The following MINDY4B variants were observed in gnomAD, a reference collection of about 807,000 sequenced individuals.
The protein encoded by MINDY4B is inactive ubiquitin carboxyl-terminal hydrolase MINDY-4B.
A neutral mutation model predicts 16.7 loss-of-function variants in MINDY4B; 25 were observed. The observed-to-expected ratio is 1.49, with a 90% CI of 1.09 to 2.09. The LOEUF (loss-of-function observed/expected upper bound fraction) is 2.09, where lower values mean the gene tolerates loss of function less well. MINDY4B is among the 30% of genes most tolerant of loss of function. The pLI is 0.00. For synonymous variants in MINDY4B, 132 were observed against 61.9 expected (o/e 2.13, Z -5.32); for missense variants, 327 against 168.4 (o/e 1.94, Z -5.21).
intron 11 of MINDY4B, 81 bp from the exon 12 acceptor site, chr3:150,871,268 T>G (rs1576608052): frequency 1.5e-6 from 1 of 652,708 alleles, no homozygotes; most frequent in East Asian, 2.7e-5. Flanking sequence ...GACAGAAGGG[T>G]GGGTGGGCAG....
chr3:150,881,949 T>C (rs1302060761), intron 10 of MINDY4B, among the ~76,000 whole-genome samples: 1 of 152,182 alleles, frequency 6.6e-6, no homozygotes, highest in Admixed American at 6.5e-5. Flanking sequence ...GATGAAGCCC[T>C]ATATACATGA....
At chr3:150,879,900 T>A (rs1711507022) in intron 10 of MINDY4B, among the ~76,000 whole-genome samples, 1 of 152,226 alleles carries the variant, frequency 6.6e-6, no homozygotes, top group South Asian at 2.1e-4. Context: ...GTATGGCCCA[T>A]CTTTGGATCT....
rs530517586 is a variant in MINDY4B, at chr3:150,871,059, C to G, written c.1369G>C (p.Val457Leu). 1 of 702,816 alleles carries G rather than the reference C, an allele frequency of 1.4e-6. No individual in the cohort carries two copies. Among genetic ancestry groups the G allele is most frequent in the African/African-American group, 1.7e-5 (1 of 57,370 alleles). The allele number at this position is 702,816 out of a possible 1,614,324, so 43.5% of individuals were successfully genotyped here. ...SEATINWNGT[V>L]PFF ...CTAGTTTCCCTTTAGAAGAAGGGAA[C>G]GGTCCCATTCCAGTTGATGGTGGCC... The change falls in exon 12 of 12, where the codon GTT becomes CTT. Residue 457 changes from valine (V) to leucine (L), a missense_variant. By Grantham distance (32) the Val-to-Leu change is conservative (BLOSUM62 1). Coordinates refer to ENST00000465419, the MANE Select transcript of MINDY4B (RefSeq NM_001351281.2).
intron 4 of MINDY4B, 34 bp from the exon 5 acceptor site, chr3:150,893,449 A>T: frequency 1.4e-6 from 1 of 702,418 alleles, no homozygotes; most frequent in South Asian, 1.5e-5. Flanking sequence ...GAGGTGAAGA[A>T]CTCTTGGAAA....
intron 11 of MINDY4B, among the ~76,000 whole-genome samples, chr3:150,872,186 GA>G (rs1194514626): frequency 6.6e-6 from 1 of 152,152 alleles, no homozygotes; most frequent in Non-Finnish European, 1.5e-5. Context: ...GTGAGCTAAT[GA>G]AAAATGTTGC....
rs1277755741 is a variant in MINDY4B at position 150,894,139 on chromosome 3, A to G, written c.429+47T>C. The G allele has an allele frequency of 4.6e-6, 3 of 648,212 alleles. No homozygotes were observed. The Admixed American group carries it at 7.7e-5, about 17-fold the overall frequency. The allele number at this position is 648,212 out of a possible 1,614,324, so 40.2% of individuals were successfully genotyped here. A position where few individuals can be genotyped will look rare whatever the true frequency, so the allele number is the denominator to read the frequency against. On this transcript the variant is annotated intron_variant, in intron 4 of 11. Transcript: ENST00000465419. ...TGTGGACAGGAAGGATATATGGATA[A>G]GGAACATGGGAATAAGGTTTTTTAA...
rs1222941038 is a variant in MINDY4B, at chr3:150,873,106, T to C, written c.1240+81A>G. The C allele has an allele frequency of 5.2e-5, 32 of 617,228 alleles. No individual in the cohort carries two copies. The East Asian group carries it at 8.8e-4, about 17-fold the overall frequency. The allele number at this position is 617,228 out of a possible 1,614,324, so 38.2% of individuals were successfully genotyped here. A position where few individuals can be genotyped will look rare whatever the true frequency, so the allele number is the denominator to read the frequency against. Reference sequence around the variant, plus strand: ...TTTTCCTGTGGAGCTAGCATGAATATCCACACAGTTGTTAAACATTGGCAA... The same window carrying C: ...TTTTCCTGTGGAGCTAGCATGAATACCCACACAGTTGTTAAACATTGGCAA... On this transcript the variant is annotated intron_variant, in intron 11 of 11. Transcript: ENST00000465419.
intron 10 of MINDY4B, among the ~76,000 whole-genome samples, chr3:150,881,089 T>C (rs1251145613): frequency 6.6e-6 from 1 of 152,162 alleles, no homozygotes; most frequent in East Asian, 1.9e-4. Context: ...TTGCAGCCTC[T>C]AAATATAATG....
chr3:150,883,648 G>A (rs1327822930), intron 9 of MINDY4B, 52 bp downstream of exon 9: 2 of 692,186 alleles, frequency 2.9e-6, no homozygotes, highest in Non-Finnish European at 2.6e-6. Context: ...TCTGCATGTG[G>A]CATTCAACTA....
At chr3:150,895,235 C>T (rs1260138330) in intron 3 of MINDY4B, among the ~76,000 whole-genome samples, 1 of 152,192 alleles carries the variant, frequency 6.6e-6, no homozygotes, top group East Asian at 1.9e-4. Flanking sequence ...GTAGACACAG[C>T]TGGGTTTTTA....
At chr3:150,880,346 C>A (rs977330475) in intron 10 of MINDY4B, among the ~76,000 whole-genome samples, 1 of 143,322 alleles carries the variant, frequency 7.0e-6, no homozygotes, top group African/African-American at 3.0e-5. Flanking sequence ...TGTGTGGATG[C>A]GCACACGCGC....
At chr3:150,880,424 G>T (rs969107211) in intron 10 of MINDY4B, among the ~76,000 whole-genome samples, 1 of 152,212 alleles carries the variant, frequency 6.6e-6, no homozygotes, top group Non-Finnish European at 1.5e-5. Flanking sequence ...ACTTGTGTAG[G>T]AGAAGAAGTG....
At chr3:150,897,881 A>G (rs573411861) in intron 3 of MINDY4B, among the ~76,000 whole-genome samples, 15 of 152,368 alleles carry the variant, frequency 9.8e-5, no homozygotes, top group African/African-American at 3.1e-4. Context: ...CCCTAGACCC[A>G]GAACATCCCC....
chr3:150,876,339 C>T (rs982880268), intron 10 of MINDY4B, among the ~76,000 whole-genome samples: 1 of 151,996 alleles, frequency 6.6e-6, no homozygotes, highest in African/African-American at 2.4e-5. Flanking sequence ...AGAACAATGG[C>T]GCTTAGAACA....
intron 3 of MINDY4B, among the ~76,000 whole-genome samples, chr3:150,895,772 A>T (rs1389912357): frequency 6.6e-6 from 1 of 152,124 alleles, no homozygotes; most frequent in African/African-American, 2.4e-5. Context: ...GCCTTGTCTC[A>T]CAGCTCTTAA....
intron 3 of MINDY4B, among the ~76,000 whole-genome samples, chr3:150,895,270 C>T (rs75181381): frequency 9.8e-4 from 150 of 152,300 alleles, no homozygotes; most frequent in African/African-American, 3.3e-3. Context: ...ACCTGCCCTA[C>T]TTTAATCATG....
At chr3:150,889,608 A>G (rs1218923916) in intron 7 of MINDY4B, among the ~76,000 whole-genome samples, 1 of 77,802 alleles carries the variant, frequency 1.3e-5, no homozygotes, top group Non-Finnish European at 2.7e-5. Flanking sequence ...ACAAGTTAAC[A>G]ACAGACCTTG....
intron 3 of MINDY4B, among the ~76,000 whole-genome samples, chr3:150,898,215 G>A (rs532377632): frequency 1.3e-5 from 2 of 152,334 alleles, no homozygotes; most frequent in African/African-American, 4.8e-5. Flanking sequence ...TGTGCCGTAT[G>A]GAAGAAAGTC....
chr3:150,902,930 G>T (rs1576616674), intron 3 of MINDY4B, among the ~76,000 whole-genome samples: 1 of 152,082 alleles, frequency 6.6e-6, no homozygotes, highest in African/African-American at 2.4e-5. Context: ...TCCACAGTCT[G>T]CCACTTAGAG....
Sources: allele counts gnomAD v4.1 joint callset (sites outside exome capture counted in the v4.1 genomes callset), GRCh38; gene constraint gnomAD v4.1.1; transcripts MANE v1.5; gene names NCBI Gene and HGNC (gene_info 2026-07-23, HGNC 2026-07-21).